Variants in EXOC6 observed in about 807,000 individuals in gnomAD.
EXOC6 encodes SEC15-like 1.
In EXOC6, 60 loss-of-function variants were observed where a neutral mutation model predicts 112.5. The ratio of observed to expected loss-of-function variants is 0.53; its 90% CI spans 0.43 to 0.66. The LOEUF is 0.66. Ranked by LOEUF, EXOC6 falls within the 30% of genes least tolerant of loss-of-function variation. The probability of loss-of-function intolerance (pLI) is 0.00; values close to 1 mark genes in which losing one functional copy is unlikely to be tolerated. For missense variants in EXOC6, 855 were observed against 957.1 expected (o/e 0.89, Z 1.41); for synonymous variants, 295 against 308.0 (o/e 0.96, Z 0.44).
At chr10:92,849,761 C>T (rs1847233553) in intron 1 of EXOC6, among the ~76,000 whole-genome samples, 1 of 152,056 alleles carries the variant, frequency 6.6e-6, no homozygotes, top group African/African-American at 2.4e-5. Context: ...CCTAATTCTG[C>T]CTCTGATGAA....
intron 17 of EXOC6, among the ~76,000 whole-genome samples, chr10:92,969,187 G>T (rs186895228): frequency 1.3e-5 from 2 of 152,222 alleles, no homozygotes; most frequent in East Asian, 3.9e-4. Flanking sequence ...TTGGAGCCCT[G>T]TGCTGCCATG....
chr10:93,040,671 C>G (rs1845723991), intron 20 of EXOC6, among the ~76,000 whole-genome samples: 1 of 152,184 alleles, frequency 6.6e-6, no homozygotes, highest in Admixed American at 6.5e-5. Context: ...ATTCATTTCT[C>G]AATCCATTCC....
chr10:92,880,937 C>T (rs1053916770), intron 1 of EXOC6, among the ~76,000 whole-genome samples: 1 of 152,090 alleles, frequency 6.6e-6, no homozygotes, highest in Non-Finnish European at 1.5e-5. Context: ...TTCCAAGTAA[C>T]TTGTATTCTA....
rs190137584 is a variant in EXOC6 at position 93,035,490 on chromosome 10, A to G, written c.2169+21223A>G. Reference sequence around the variant, plus strand: ...TGCACACTCACAAAAAGTTACAAATATAGTTTAGAGAGGTCCCTTGTACAC... The same window carrying G: ...TGCACACTCACAAAAAGTTACAAATGTAGTTTAGAGAGGTCCCTTGTACAC... On this transcript the variant is annotated intron_variant, in intron 20 of 21. Transcript: ENST00000260762. 6.3e-4 allele frequency among the ~76,000 whole-genome samples: 96 copies of G among 152,348 alleles called. No homozygotes were observed. The Middle Eastern group carries it at 0.014, about 22-fold the overall frequency.
At chr10:92,843,976 C>CAAAAAAAAA (rs34641974), upstream of EXOC6, among the ~76,000 whole-genome samples, 2 of 37,894 alleles carry the variant, frequency 5.3e-5, no homozygotes, top group African/African-American at 1.2e-4. Flanking sequence ...GACTCTGTCT[C>CAAAAAAAAA]AAAAAAAAAA....
intron 18 of EXOC6, among the ~76,000 whole-genome samples, chr10:92,977,163 A>G (rs929802644): frequency 6.6e-6 from 1 of 152,192 alleles, no homozygotes; most frequent in Admixed American, 6.5e-5. Context: ...TGTGATATAA[A>G]TAACTCCCAC....
intron 20 of EXOC6, among the ~76,000 whole-genome samples, chr10:93,052,306 C>G (rs979072553): frequency 2.0e-5 from 3 of 152,148 alleles, no homozygotes; most frequent in South Asian, 4.1e-4. Flanking sequence ...GGGCATGGAT[C>G]GAGAATGAGT....
At chr10:93,007,761 A>G (rs1456797461) in intron 19 of EXOC6, among the ~76,000 whole-genome samples, 1 of 152,176 alleles carries the variant, frequency 6.6e-6, no homozygotes, top group Non-Finnish European at 1.5e-5. Context: ...CTTTCATCTA[A>G]ATTGATTCAA....
chr10:92,906,008 A>G (rs1379294523), intron 5 of EXOC6, among the ~76,000 whole-genome samples: 3 of 152,148 alleles, frequency 2.0e-5, no homozygotes, highest in East Asian at 1.9e-4. Flanking sequence ...TGCTTCACAT[A>G]TTTTGATGCT....
At chr10:92,849,475 G>A (rs774091668) in intron 1 of EXOC6, among the ~76,000 whole-genome samples, 22 of 152,268 alleles carry the variant, frequency 1.4e-4, no homozygotes, top group Admixed American at 3.9e-4. Flanking sequence ...AACGTAATGA[G>A]CCATGGGTTA....
chr10:92,957,850 T>TA (rs1214214049), intron 17 of EXOC6, among the ~76,000 whole-genome samples: 2 of 152,216 alleles, frequency 1.3e-5, no homozygotes, highest in African/African-American at 4.8e-5. Context: ...AATAGTCTGT[T>TA]ACCTCTTTCA....
rs11187230 is a variant in EXOC6, at chr10:92,967,510, G to A, written c.1774-6543G>A. 7.7e-3 allele frequency among the ~76,000 whole-genome samples: 1,169 copies of A among 152,144 alleles called. 16 individuals carry two copies. Among genetic ancestry groups the A allele is most frequent in the African/African-American group, 0.027 (1,124 of 41,490 alleles). ...ATAAAATTCTATAAACTAAAAAAGA[G>A]AATTAAAGCTGGATTTAAATTTGGT... On this transcript the variant is annotated intron_variant, in intron 17 of 21. Transcript: ENST00000260762.
Position 92,934,417 on chromosome 10 carries a change from T to C in EXOC6, c.1127T>C (p.Leu376Pro). Residue 376 changes from leucine (L) to proline (P), a missense_variant, in exon 11 of 22, where the codon CTT becomes CCT. Leu to Pro is a moderately conservative substitution (Grantham distance 98). Coordinates refer to ENST00000260762, the MANE Select transcript of EXOC6 (RefSeq NM_019053.6). Reference sequence around the variant, plus strand: ...GCCCTCTCAAAGATAATTGCTGTCCTTAGAGCTCATTCAGTAAGTCAGACA... The same window carrying C: ...GCCCTCTCAAAGATAATTGCTGTCCCTAGAGCTCATTCAGTAAGTCAGACA... ...NMALSKIIAVLRAHSSYCTDP... is the reference protein window; with the variant it reads ...NMALSKIIAVPRAHSSYCTDP... 6.3e-7 allele frequency: 1 copy of C among 1,575,648 alleles called. No homozygotes were observed. Among genetic ancestry groups the C allele is most frequent in the Non-Finnish European group, 8.6e-7 (1 of 1,165,450 alleles).
rs1210803275 is a variant in EXOC6, at chr10:92,906,924, T to G, written c.459-2503T>G. On this transcript the variant is annotated intron_variant, in intron 5 of 21. Transcript: ENST00000260762. ...AATTTTGTAAAAACAACATTATGTG[T>G]ATCTAAAGGAGAAATGGTAATCTAT... Among the ~76,000 whole-genome samples, 4 of 152,290 alleles carry G rather than the reference T, an allele frequency of 2.6e-5. 1 individual carries two copies. Among genetic ancestry groups the G allele is most frequent in the Middle Eastern group, 6.8e-3 (2 of 294 alleles).
intron 20 of EXOC6, among the ~76,000 whole-genome samples, chr10:93,053,291 A>G (rs561076195): frequency 6.6e-6 from 1 of 152,366 alleles, no homozygotes; most frequent in African/African-American, 2.4e-5. Flanking sequence ...AAATGGGTTC[A>G]GTCCATAAAA....
intron 5 of EXOC6, among the ~76,000 whole-genome samples, chr10:92,903,264 TTTAA>T (rs1180667986): frequency 6.6e-6 from 1 of 152,124 alleles, no homozygotes; most frequent in African/African-American, 2.4e-5. Context: ...ACGTATGGTG[TTTAA>T]TTAGTTTGTT....
intron 20 of EXOC6, among the ~76,000 whole-genome samples, chr10:93,027,924 A>G (rs893257576): frequency 6.6e-6 from 1 of 152,216 alleles, no homozygotes; most frequent in Non-Finnish European, 1.5e-5. Flanking sequence ...GGCTACAGCT[A>G]CCATAGAATA....
intron 20 of EXOC6, among the ~76,000 whole-genome samples, chr10:93,027,948 G>A (rs1845098912): frequency 6.6e-6 from 1 of 152,134 alleles, no homozygotes. Context: ...CCTCTGATGG[G>A]TCTGGGCAAA....
chr10:92,983,767 A>G lies in EXOC6; in HGVS notation c.1953+9535A>G, dbSNP rs556364227. On this transcript the variant is annotated intron_variant, in intron 18 of 21. Coordinates refer to ENST00000260762, the MANE Select transcript of EXOC6 (RefSeq NM_019053.6). ...AGTGATCCACCCACACTGGCCTCCC[A>G]AAGTGATAGGATTATAGGCACGAGC... Among the ~76,000 whole-genome samples the G allele has an allele frequency of 4.1e-4, 62 of 152,258 alleles. No individual in the cohort carries two copies. In the East Asian group the frequency reaches 0.011, roughly 28 times the overall value.
Sources: allele counts gnomAD v4.1 joint callset (sites outside exome capture counted in the v4.1 genomes callset), GRCh38; gene constraint gnomAD v4.1.1; transcripts MANE v1.5; gene names NCBI Gene and HGNC (gene_info 2026-07-23, HGNC 2026-07-21).